PDE1C: variants seen among roughly 807,000 people sequenced by gnomAD.
PDE1C encodes the protein phosphodiesterase 1C, also known as dual specificity calcium/calmodulin-dependent 3',5'-cyclic nucleotide phosphodiesterase 1C.
PDE1C carries 62 observed loss-of-function variants against 93.1 expected under a neutral mutation model. The observed-to-expected ratio is 0.67, with a 90% CI of 0.54 to 0.82. The LOEUF (loss-of-function observed/expected upper bound fraction) is 0.82. PDE1C is among the 40% of genes least tolerant of loss of function. PDE1C has a pLI of 0.00. For synonymous variants in PDE1C, 325 were observed against 310.1 expected (o/e 1.05, Z -0.50); for missense variants, 742 against 884.6 (o/e 0.84, Z 2.04).
intron 1 of PDE1C, among the ~76,000 whole-genome samples, chr7:32,069,606 T>C (rs1795790963): frequency 6.6e-6 from 1 of 152,054 alleles, no homozygotes; most frequent in South Asian, 2.1e-4. Flanking sequence ...CTCTCCTCAG[T>C]ACCCAAAAAC....
chr7:31,926,700 CT>C (rs999936845), intron 2 of PDE1C, among the ~76,000 whole-genome samples: 31 of 152,286 alleles, frequency 2.0e-4, no homozygotes, highest in African/African-American at 7.5e-4. Flanking sequence ...AGGGAACTCC[CT>C]CCTCTAGCCA....
intron 2 of PDE1C, among the ~76,000 whole-genome samples, chr7:31,909,614 C>T (rs889822277): frequency 6.6e-6 from 1 of 152,086 alleles, no homozygotes; most frequent in Non-Finnish European, 1.5e-5. Context: ...ATGCATTGTA[C>T]AAAACATAGA....
chr7:32,138,786 A>T (rs1260499388), intron 3 of PDE1C, among the ~76,000 whole-genome samples: 1 of 152,184 alleles, frequency 6.6e-6, no homozygotes, highest in African/African-American at 2.4e-5. Flanking sequence ...CTAAATGTTG[A>T]CCCATAGATC....
At chr7:31,888,649 TCA>T (rs1414092013) in intron 2 of PDE1C, among the ~76,000 whole-genome samples, 1 of 151,852 alleles carries the variant, frequency 6.6e-6, no homozygotes, top group Admixed American at 6.6e-5. Flanking sequence ...TATTAATTTA[TCA>T]AAATTGACAT....
chr7:32,338,834 T>C (rs56390124), intron 1 of PDE1C, among the ~76,000 whole-genome samples: 6,002 of 152,116 alleles, frequency 0.039, 217 homozygotes, highest in South Asian at 0.19. Flanking sequence ...AAACCCCGTC[T>C]CTACTAAAAA....
At chr7:32,294,954 T>C (rs974603747) in intron 1 of PDE1C, among the ~76,000 whole-genome samples, 5 of 152,228 alleles carry the variant, frequency 3.3e-5, no homozygotes, top group African/African-American at 1.2e-4. Flanking sequence ...CTTCTGAATG[T>C]GACATGTGTT....
chr7:32,349,755 A>G (rs34397951), intron 1 of PDE1C, among the ~76,000 whole-genome samples: 25,474 of 151,936 alleles, frequency 0.17, 2,719 homozygotes, highest in South Asian at 0.44. Flanking sequence ...TGAGCCTCCC[A>G]AGTAGCTGGG....
chr7:32,278,981 C>A (rs982108773), intron 1 of PDE1C, among the ~76,000 whole-genome samples: 1 of 152,108 alleles, frequency 6.6e-6, no homozygotes, highest in Non-Finnish European at 1.5e-5. Flanking sequence ...GGGAGTGGCA[C>A]AATTCTGAAA....
chr7:32,374,250 GGAAAGGAAGAAAGAAAGAAAGAAA>G (rs1784388465), intron 1 of PDE1C, among the ~76,000 whole-genome samples: 1 of 57,846 alleles, frequency 1.7e-5, no homozygotes, highest in Non-Finnish European at 3.6e-5. Context: ...AGGAAGGAAA[GGAAAGGAAGAAAGAAAGAAAGAAA>G]GAAAGAAAGA....
chr7:31,932,424 T>G (rs529132277), intron 2 of PDE1C, among the ~76,000 whole-genome samples: 1 of 152,160 alleles, frequency 6.6e-6, no homozygotes, highest in Non-Finnish European at 1.5e-5. Flanking sequence ...AGCAGACGTT[T>G]CTCAAAAGAA....
intron 14 of PDE1C, among the ~76,000 whole-genome samples, chr7:31,819,630 T>A (rs2128730336): frequency 6.6e-6 from 1 of 152,146 alleles, no homozygotes; most frequent in South Asian, 2.1e-4. Context: ...AGAGTTAAGG[T>A]AGAGCAGAGC....
chr7:32,421,133 G>A (rs1785424963), intron 1 of PDE1C, among the ~76,000 whole-genome samples: 1 of 152,020 alleles, frequency 6.6e-6, no homozygotes, highest in Non-Finnish European at 1.5e-5. Flanking sequence ...AATAATTTGA[G>A]TAAATTACAG....
At chr7:32,381,845 G>A (rs1398450390) in intron 1 of PDE1C, among the ~76,000 whole-genome samples, 3 of 152,094 alleles carry the variant, frequency 2.0e-5, no homozygotes, top group African/African-American at 4.8e-5. Context: ...CTGGGATATC[G>A]GCTCTCTGAG....
the PDE1C span, among the ~76,000 whole-genome samples, chr7:31,659,705 T>A: frequency 6.6e-6 from 1 of 152,218 alleles, no homozygotes; most frequent in African/African-American, 2.4e-5. Context: ...TCTTTTCTTG[T>A]AGTCTGATGG....
chr7:32,296,864 T>C (rs1395305403), intron 1 of PDE1C, among the ~76,000 whole-genome samples: 2 of 152,160 alleles, frequency 1.3e-5, no homozygotes, highest in Non-Finnish European at 2.9e-5. Flanking sequence ...CCAACACCAT[T>C]TGACAGGGAA....
intron 3 of PDE1C, chr7:32,078,022 C>A: frequency 1.0e-6 from 1 of 985,326 alleles, no homozygotes; most frequent in Non-Finnish European, 1.2e-6. Context: ...GAATACACTG[C>A]CAACCCAGTA....
intron 1 of PDE1C, among the ~76,000 whole-genome samples, chr7:32,342,220 A>G (rs1329384749): frequency 6.6e-6 from 1 of 152,208 alleles, no homozygotes; most frequent in Non-Finnish European, 1.5e-5. Flanking sequence ...ACCGGCACTC[A>G]AACATAAATC....
At chr7:32,112,965 C>A (rs941231569) in intron 3 of PDE1C, among the ~76,000 whole-genome samples, 3 of 148,814 alleles carry the variant, frequency 2.0e-5, no homozygotes, top group African/African-American at 7.4e-5. Context: ...CTAAGAGTAG[C>A]AGTATTATCT....
intron 2 of PDE1C, among the ~76,000 whole-genome samples, chr7:32,027,059 A>G (rs981056860): frequency 4.6e-5 from 7 of 152,134 alleles, no homozygotes; most frequent in African/African-American, 1.7e-4. Flanking sequence ...CAGGGCAGTG[A>G]AATTGCTTTG....
Sources: allele counts gnomAD v4.1 joint callset (sites outside exome capture counted in the v4.1 genomes callset), GRCh38; gene constraint gnomAD v4.1.1; transcripts MANE v1.5; gene names NCBI Gene and HGNC (gene_info 2026-07-23, HGNC 2026-07-21).